IL12RB2: variants seen among roughly 807,000 people sequenced by gnomAD.
The protein encoded by IL12RB2 is interleukin-12 receptor subunit beta-2.
IL12RB2 carries 82 observed loss-of-function variants against 89.4 expected under a neutral mutation model. That is an observed-to-expected ratio of 0.92 (90% confidence interval 0.77 to 1.10). The LOEUF (loss-of-function observed/expected upper bound fraction) is 1.10, where lower values mean the gene tolerates loss of function less well. Among genes scored for constraint, IL12RB2 ranks in the 50% least tolerant of loss-of-function variants. IL12RB2 has a pLI of 0.00. For synonymous variants in IL12RB2, 368 were observed against 370.1 expected, an observed-to-expected ratio of 0.99 and a Z score of 0.07; for missense variants, 963 against 1,031.9, an observed-to-expected ratio of 0.93 and a Z score of 0.92.
Position 67,321,758 on chromosome 1 carries a change from AT to A in IL12RB2, c.237del (p.His80ThrfsTer82), listed in dbSNP as rs1656568907. The stretch of plus-strand genomic sequence containing the variant: ...CTGTACAAGTTTGACAGAAGAATCA[AT>A]TTTCACCATGGCCACTCCCTCAATT... The part of the protein sequence containing the change: ...LILYKFDRRI[N>X]FHHGHSLNSQ... On this transcript the variant is annotated frameshift_variant, in exon 4 of 17. Coordinates refer to ENST00000674203, the MANE Select transcript of IL12RB2 (RefSeq NM_001374259.2). LOFTEE classifies it high-confidence loss of function. 6.2e-7 allele frequency: 1 copy of A among 1,612,742 alleles called. No individual in the cohort carries two copies. Among genetic ancestry groups the A allele is most frequent in the African/African-American group, 1.3e-5 (1 of 74,966 alleles).
intron 9 of IL12RB2, 45 bp from the exon 10 acceptor site, chr1:67,350,825 G>T: frequency 6.2e-7 from 1 of 1,609,080 alleles, no homozygotes; most frequent in South Asian, 1.1e-5. Flanking sequence ...GAGCATCAGT[G>T]ATCTTGTCTG....
At chr1:67,361,916 A>C (rs1662094273) in intron 10 of IL12RB2, among the ~76,000 whole-genome samples, 1 of 152,200 alleles carries the variant, frequency 6.6e-6, no homozygotes, top group African/African-American at 2.4e-5. Context: ...TCTTGAAAGA[A>C]GCCACAGGAA....
rs71062413 is a variant in IL12RB2, at chr1:67,342,761, C to CTTTTTTTTTTTTTT, written c.1038+4061_1038+4074dup. On this transcript the variant is annotated intron_variant, in intron 9 of 16. Transcript: ENST00000674203. ...CTTGTACTACTTTTTAAAATCACAC[C>CTTTTTTTTTTTTTT]TTTTTTTTTTTTTTTTGAGACAGGG... Among the ~76,000 whole-genome samples, 7 of 137,168 alleles carry CTTTTTTTTTTTTTT rather than the reference C, an allele frequency of 5.1e-5. 3 individuals carry two copies. Among genetic ancestry groups the CTTTTTTTTTTTTTT allele is most frequent in the Non-Finnish European group, 6.3e-5 (4 of 63,968 alleles). 90.0% of individuals were successfully genotyped at this position (137,168 alleles called of 152,430 possible). A position where few individuals can be genotyped will look rare whatever the true frequency, so the allele number is the denominator to read the frequency against.
At chr1:67,310,533 G>A (rs956504763) in intron 1 of IL12RB2, among the ~76,000 whole-genome samples, 1 of 152,174 alleles carries the variant, frequency 6.6e-6, no homozygotes, top group African/African-American at 2.4e-5. Flanking sequence ...AGATGAATGG[G>A]CAAAGAGAGG....
intron 7 of IL12RB2, 91 bp downstream of exon 7, chr1:67,329,820 T>C (rs956553404): frequency 1.2e-5 from 11 of 891,036 alleles, no homozygotes; most frequent in Non-Finnish European, 1.9e-5. Flanking sequence ...AAAAATAGAG[T>C]TTAAGAATAT....
rs577612459 is a variant in IL12RB2 at position 67,355,339 on chromosome 1, G to A, written c.1258+4250G>A. On this transcript the variant is annotated intron_variant, in intron 10 of 16. Coordinates refer to ENST00000674203, the MANE Select transcript of IL12RB2 (RefSeq NM_001374259.2). ...TGAGGCAGGAGAATCGCTTGAACCC[G>A]GGAGGTGAAGATTGCAGTGAGCCAA... Among the ~76,000 whole-genome samples, 9 of 151,368 alleles carry A rather than the reference G, an allele frequency of 5.9e-5. No individual in the cohort carries two copies. In the South Asian group the frequency reaches 1.3e-3, roughly 21 times the overall value.
At chr1:67,343,521 A>T (rs1659888516) in intron 9 of IL12RB2, among the ~76,000 whole-genome samples, 1 of 152,214 alleles carries the variant, frequency 6.6e-6, no homozygotes, top group African/African-American at 2.4e-5. Context: ...TTGATTACGA[A>T]TAGCCCCAGG....
intron 15 of IL12RB2, 29 bp from the exon 16 acceptor site, chr1:67,390,000 G>C: frequency 1.1e-6 from 1 of 919,810 alleles, no homozygotes. Context: ...GCACACCTAA[G>C]GAAATGTCAC....
intron 10 of IL12RB2, among the ~76,000 whole-genome samples, chr1:67,353,450 G>T (rs1661058596): frequency 6.6e-6 from 1 of 152,132 alleles, no homozygotes; most frequent in Non-Finnish European, 1.5e-5. Flanking sequence ...CACGCCTGTG[G>T]TTCCACTACT....
At chr1:67,388,852 G>C (rs7513724) in intron 15 of IL12RB2, among the ~76,000 whole-genome samples, 11,403 of 152,170 alleles carry the variant, frequency 0.075, 835 homozygotes, top group East Asian at 0.21. Context: ...CTAACTCAAA[G>C]TCATTCTACC....
At chr1:67,383,766 G>A (rs1664851215) in intron 14 of IL12RB2, among the ~76,000 whole-genome samples, 2 of 152,224 alleles carry the variant, frequency 1.3e-5, no homozygotes, top group Non-Finnish European at 2.9e-5. Context: ...TAAGCATGTG[G>A]GAGTTGTTTA....
In IL12RB2 at chr1:67,367,844, G is replaced by A. The variant is rs2307145; in HGVS notation, c.1278G>A (p.Gln426=). 5 of 1,596,114 alleles carry A rather than the reference G, an allele frequency of 3.1e-6. No individual in the cohort carries two copies. In the South Asian group the frequency reaches 4.4e-5, roughly 14 times the overall value. Residue 426 remains glutamine, a synonymous_variant, in exon 11 of 17, where the codon CAG becomes CAA. Coordinates refer to ENST00000674203, the MANE Select transcript of IL12RB2 (RefSeq NM_001374259.2). ...ATAAAGGGTTGCTGGCTCCTCGCCAGGTCTCTGCAAACTCAGAGGGCATGG... is the reference window on the plus strand; with the variant it reads ...ATAAAGGGTTGCTGGCTCCTCGCCAAGTCTCTGCAAACTCAGAGGGCATGG... ...LCEAGLLAPR[Q]VSANSEGMDN... is the part of the protein sequence containing the mutation.
At chr1:67,367,713 A>G (rs1484721118) in intron 10 of IL12RB2, 112 bp from the exon 11 acceptor site, 3 of 762,624 alleles carry the variant, frequency 3.9e-6, no homozygotes, top group East Asian at 2.4e-5. Flanking sequence ...AAAAGTAAAC[A>G]GATTCTTCCT....
At chr1:67,342,665 CT>C (rs1659774419) in intron 9 of IL12RB2, among the ~76,000 whole-genome samples, 1 of 151,466 alleles carries the variant, frequency 6.6e-6, no homozygotes, top group Non-Finnish European at 1.5e-5. Context: ...GAGACCTTTG[CT>C]TTGTTATGGC....
At chr1:67,384,499 G>C (rs1375069575) in intron 14 of IL12RB2, among the ~76,000 whole-genome samples, 1 of 152,218 alleles carries the variant, frequency 6.6e-6, no homozygotes, top group African/African-American at 2.4e-5. Flanking sequence ...TGTCATGAAG[G>C]TTCCTAACAT....
chr1:67,317,413 A>G (rs1174265332), intron 2 of IL12RB2, among the ~76,000 whole-genome samples: 1 of 152,176 alleles, frequency 6.6e-6, no homozygotes, highest in Non-Finnish European at 1.5e-5. Context: ...AAGCTGTCAC[A>G]TTCATTGGCT....
At chr1:67,392,622 T>C (rs1471874671) in intron 16 of IL12RB2, among the ~76,000 whole-genome samples, 1 of 132,372 alleles carries the variant, frequency 7.6e-6, no homozygotes, top group Non-Finnish European at 1.6e-5. Flanking sequence ...CTTTTAGATA[T>C]CTTTTTTTTT....
intron 8 of IL12RB2, among the ~76,000 whole-genome samples, chr1:67,333,349 C>T (rs1358584532): frequency 6.7e-6 from 1 of 149,408 alleles, no homozygotes; most frequent in African/African-American, 2.5e-5. Flanking sequence ...TCAATGTGTA[C>T]TCATATGTAA....
intron 9 of IL12RB2, among the ~76,000 whole-genome samples, chr1:67,343,338 T>C (rs952480805): frequency 5.3e-5 from 8 of 152,102 alleles, no homozygotes; most frequent in African/African-American, 1.9e-4. Context: ...CACCTCAACC[T>C]CCCAAAATGC....
Sources: gnomAD v4.1 joint callset for allele counts (sites outside exome capture counted in the v4.1 genomes callset) on GRCh38, gnomAD v4.1.1 for gene constraint, MANE v1.5 for transcripts, NCBI Gene and HGNC (gene_info 2026-07-23, HGNC 2026-07-21) for gene names.